The following RALGDS variants were observed in gnomAD, a reference collection of about 807,000 sequenced individuals.
RALGDS encodes ral guanine nucleotide dissociation stimulator, also known as ral guanine nucleotide exchange factor.
Under a neutral mutation model 99.8 loss-of-function variants are expected in RALGDS, and 44 were observed. The ratio of observed to expected loss-of-function variants is 0.44; its 90% CI spans 0.35 to 0.57. RALGDS has a LOEUF of 0.57. Ranked by LOEUF, RALGDS falls within the 20% of genes least tolerant of loss-of-function variation. The pLI, the probability that RALGDS is intolerant of heterozygous loss-of-function variation, is 0.01. For missense variants in RALGDS, 1,022 were observed against 1,203.1 expected (o/e 0.85, Z 2.23); for synonymous variants, 529 against 505.0 (o/e 1.05, Z -0.64).
chr9:133,121,855 T>C (rs1831960327), upstream of RALGDS, among the ~76,000 whole-genome samples: 1 of 152,230 alleles, frequency 6.6e-6, no homozygotes, highest in Non-Finnish European at 1.5e-5. Context: ...ATGTGTTCAG[T>C]GACCCTGTCA....
chr9:133,135,395 C>T (rs1236390826), upstream of RALGDS, among the ~76,000 whole-genome samples: 4 of 152,172 alleles, frequency 2.6e-5, no homozygotes, highest in Non-Finnish European at 2.9e-5. Flanking sequence ...GCCTGCCCGC[C>T]GGCCCCTATT....
rs190238332 is a variant in RALGDS at position 133,106,756 on chromosome 9, G to T, written c.1414-8C>A. 6.3e-7 allele frequency: 1 copy of T among 1,593,424 alleles called. No homozygotes were observed. The highest frequency in any genetic ancestry group is 1.1e-5 in the South Asian group (1 of 89,872). On this transcript the variant is annotated splice_polypyrimidine_tract_variant and splice_region_variant and intron_variant, in intron 7 of 17. Coordinates refer to ENST00000372050, the MANE Select transcript of RALGDS (RefSeq NM_006266.4). Reference sequence around the variant, plus strand: ...CTTGAGGATCCGGCACTCCTGGGGCGGGAAGAGCAGGAGGCATGAGGTGGG... The same window carrying T: ...CTTGAGGATCCGGCACTCCTGGGGCTGGAAGAGCAGGAGGCATGAGGTGGG...
chr9:133,109,696 C>T lies in RALGDS; in HGVS notation c.514G>A (p.Ala172Thr). The part of the protein sequence containing the change: ...KRYGRCDALT[A>T]SSRYGCILPY... The stretch of plus-strand genomic sequence containing the variant: ...AGGATGCAGCCGTATCTAGAGGAGG[C>T]CGTGAGGGCGTCACATCTACCGTAC... Residue 172 changes from alanine to threonine, a missense_variant, in exon 4 of 18, where the codon GCC becomes ACC. Transcript: ENST00000372050. The T allele has an allele frequency of 6.2e-7, 1 of 1,613,924 alleles. No individual in the cohort carries two copies. The highest frequency in any genetic ancestry group is 2.2e-5 in the East Asian group (1 of 44,882).
intron 1 of RALGDS, among the ~76,000 whole-genome samples, chr9:133,126,568 T>C (rs908348848): frequency 6.6e-6 from 1 of 152,204 alleles, no homozygotes; most frequent in Non-Finnish European, 1.5e-5. Flanking sequence ...AGCCAGGGCA[T>C]GTGTGGGGAC....
rs546193178 is a variant in RALGDS at position 133,144,737 on chromosome 9, G to T, written c.18+4226C>A. 7.2e-5 allele frequency among the ~76,000 whole-genome samples: 11 copies of T among 152,354 alleles called. No homozygotes were observed. The highest frequency in any genetic ancestry group is 2.6e-4 in the African/African-American group (11 of 41,576). On this transcript the variant is annotated intron_variant, in intron 1 of 17. Coordinates refer to the RALGDS transcript ENST00000393160. This position sits in a 1 kb window ranked among gnomAD's most constrained non-coding sequence, Gnocchi z 4.5. The stretch of plus-strand genomic sequence containing the variant: ...CTGCTCCCCTAGTCCCCGTAGGCAC[G>T]CGGGTACCCGGCCTTTGGGAGGGGG...
chr9:133,137,261 C>T (rs539931732), intron 1 of RALGDS, among the ~76,000 whole-genome samples: 44 of 152,354 alleles, frequency 2.9e-4, no homozygotes, highest in East Asian at 9.7e-4. Flanking sequence ...TCACCTACCA[C>T]GGGGTCCTTT....
chr9:133,144,064 G>A lies in RALGDS; in HGVS notation c.18+4899C>T, dbSNP rs1039697089. ...CCCCTGAGGCAGGGTCTGGGGCTGG[G>A]GTTGGGGGGAAGGACCCCTCAAGTC... On this transcript the variant is annotated intron_variant, in intron 1 of 17. Coordinates refer to the RALGDS transcript ENST00000393160. The surrounding 1 kb of genome is among the most constrained non-coding windows in gnomAD (Gnocchi z 4.5). Among the ~76,000 whole-genome samples the A allele has an allele frequency of 1.3e-5, 2 of 152,130 alleles. No individual in the cohort carries two copies. The highest frequency in any genetic ancestry group is 2.9e-5 in the Non-Finnish European group (2 of 68,020).
At position 133,106,714 on chromosome 9, in the gene RALGDS, T is replaced by C. The variant is rs1215165915; in HGVS notation, c.1448A>G (p.Tyr483Cys). ...CRILKNFSSL[Y>C]AILSALQSNS... ...GCTCTGCAGGGCAGAGAGGATGGCA[T>C]ACAGTGACGAGAAGTTCTTGAGGAT... Residue 483 changes from tyrosine (Y) to cysteine (C), a missense_variant, in exon 8 of 18, where the codon TAT becomes TGT. Physicochemically the swap from Tyr to Cys is radical, Grantham distance 194. Around this residue, in one of 3 missense-constraint regions of RALGDS, gnomAD observed 825 missense variants for 994.5 expected, o/e 0.83. Transcript: ENST00000372050. 1.9e-6 allele frequency: 3 copies of C among 1,612,666 alleles called. No homozygotes were observed. Among genetic ancestry groups the C allele is most frequent in the Non-Finnish European group, 2.5e-6 (3 of 1,179,486 alleles).
chr9:133,111,244 G>A (rs1381340843), intron 2 of RALGDS, among the ~76,000 whole-genome samples: 5 of 152,158 alleles, frequency 3.3e-5, no homozygotes, highest in Admixed American at 6.5e-5. Flanking sequence ...GCTTATCCAG[G>A]GGCTGGGAGG....
In RALGDS at chr9:133,098,441, A is replaced by T; in HGVS notation, c.*146T>A. Reference sequence around the variant, plus strand: ...GTCAGCCTGACCAATGGCAGGCGTCAATCCCAGCAGCGGGAGAGGTTCAGG... The same window carrying T: ...GTCAGCCTGACCAATGGCAGGCGTCTATCCCAGCAGCGGGAGAGGTTCAGG... On this transcript the variant is annotated 3_prime_UTR_variant, in exon 18 of 18. Coordinates refer to ENST00000372050, the MANE Select transcript of RALGDS (RefSeq NM_006266.4). 1 of 854,512 alleles carries T rather than the reference A, an allele frequency of 1.2e-6. No homozygotes were observed. Among genetic ancestry groups the T allele is most frequent in the Non-Finnish European group, 1.9e-6 (1 of 539,100 alleles). 52.9% of individuals were successfully genotyped at this position (854,512 alleles called of 1,614,324 possible).
At chr9:133,137,024 C>T (rs1468030985) in intron 1 of RALGDS, among the ~76,000 whole-genome samples, 3 of 152,310 alleles carry the variant, frequency 2.0e-5, no homozygotes, top group Non-Finnish European at 2.9e-5. Context: ...CACTTGAGCT[C>T]AGGAGTTTGA....
rs1251193881 is a variant in RALGDS, at chr9:133,110,427, G to C, written c.357C>G (p.Gly119=). 1 of 1,613,434 alleles carries C rather than the reference G, an allele frequency of 6.2e-7. No individual in the cohort carries two copies. Among genetic ancestry groups the C allele is most frequent in the African/African-American group, 1.3e-5 (1 of 75,052 alleles). The change falls in exon 3 of 18, where the codon GGC becomes GGG. Residue 119 remains glycine, a synonymous_variant. Transcript: ENST00000372050. ...ETCKVRTVKA[G]TLEKLVEHLV... is the part of the protein sequence containing the mutation. ...GGTGCTCCACCAGCTTCTCCAGCGT[G>C]CCAGCCTTCACGGTCCGCACCTTGC...
chr9:133,103,833 C>T lies in RALGDS; in HGVS notation c.1672G>A (p.Gly558Ser). 1.9e-6 allele frequency: 3 copies of T among 1,612,822 alleles called. No homozygotes were observed. The highest frequency in any genetic ancestry group is 2.5e-6 in the Non-Finnish European group (3 of 1,179,730). ...TAGGGAACGGTGCCCTGGATGATGC[C>T]CTGTGACATTGGGGTAGGAGGATGA... is the stretch of plus-strand genomic sequence containing the variant. ...KRAQKRPKETGIIQGTVPYLG... is the reference protein window; with the variant it reads ...KRAQKRPKETSIIQGTVPYLG... Residue 558 changes from glycine (G) to serine (S), a missense_variant and splice_region_variant, in exon 11 of 18, where the codon GGC becomes AGC. Physicochemically the swap from Gly to Ser is moderately conservative, Grantham distance 56. Around this residue, in one of 3 missense-constraint regions of RALGDS, gnomAD observed 825 missense variants for 994.5 expected, o/e 0.83. Transcript: ENST00000372050.
chr9:133,135,578 A>G (rs1295995162), upstream of RALGDS, among the ~76,000 whole-genome samples: 2 of 151,894 alleles, frequency 1.3e-5, no homozygotes, highest in African/African-American at 4.8e-5. Context: ...GAGGAACCCA[A>G]CGTCTAACTG....
upstream of RALGDS, among the ~76,000 whole-genome samples, chr9:133,125,476 G>A (rs1459510332): frequency 6.6e-6 from 1 of 152,218 alleles, no homozygotes; most frequent in Non-Finnish European, 1.5e-5. Flanking sequence ...GCTCACGCCT[G>A]TAATTCCAGC....
At chr9:133,102,750 A>T (rs774834499) in intron 13 of RALGDS, 29 bp downstream of exon 13, 10 of 1,607,248 alleles carry the variant, frequency 6.2e-6, no homozygotes, top group Non-Finnish European at 8.5e-6. Context: ...GCCTGCCCCC[A>T]CTGTCCCCAT....
chr9:133,110,260 C>T, intron 3 of RALGDS, 36 bp downstream of exon 3: 1 of 1,594,552 alleles, frequency 6.3e-7, no homozygotes, highest in African/African-American at 1.3e-5. Context: ...GGCGAGGGCC[C>T]CTGTGCACCC....
upstream of RALGDS, among the ~76,000 whole-genome samples, chr9:133,124,628 T>C (rs1276511529): frequency 6.6e-6 from 1 of 152,206 alleles, no homozygotes; most frequent in Non-Finnish European, 1.5e-5. Flanking sequence ...CATGCCCCCC[T>C]AATGAAGGCA....
rs751539855 is a variant in RALGDS at position 133,108,250 on chromosome 9, G to A, written c.935C>T (p.Ala312Val). 6 of 1,600,560 alleles carry A rather than the reference G, an allele frequency of 3.7e-6. No homozygotes were observed. In the Admixed American group the frequency reaches 5.2e-5, roughly 14 times the overall value. Residue 312 changes from alanine to valine, a missense_variant, in exon 6 of 18, where the codon GCT (alanine) becomes GTT (valine). Ala to Val is a moderately conservative substitution (Grantham distance 64). Around this residue, in one of 3 missense-constraint regions of RALGDS, gnomAD observed 825 missense variants for 994.5 expected, o/e 0.83. Transcript: ENST00000372050. Reference sequence around the variant, plus strand: ...CTCTGGAGCCTGCTGGAGCTCCGGAGCTGGTGCTGGAGCTACTTCTAGCTC... The same window carrying A: ...CTCTGGAGCCTGCTGGAGCTCCGGAACTGGTGCTGGAGCTACTTCTAGCTC... Reference protein sequence around the residue: ...GSELEVAPAPAPELQQAPEPA... With the variant: ...GSELEVAPAPVPELQQAPEPA...
Sources: allele counts gnomAD v4.1 joint callset (sites outside exome capture counted in the v4.1 genomes callset), GRCh38; gene constraint gnomAD v4.1.1; regional missense constraint gnomAD v4.1.1; non-coding constraint Gnocchi (gnomAD v3.1); transcripts MANE v1.5; gene names NCBI Gene and HGNC (gene_info 2026-07-23, HGNC 2026-07-21).